Variants in MYO3B observed in about 807,000 individuals in gnomAD.
MYO3B encodes myosin IIIB.
Under a neutral mutation model 174.6 loss-of-function variants are expected in MYO3B, and 156 were observed. The observed-to-expected ratio is 0.89, with a 90% CI of 0.78 to 1.02. The LOEUF (loss-of-function observed/expected upper bound fraction) is 1.02. Ranked by LOEUF, MYO3B falls within the 50% of genes least tolerant of loss-of-function variation. The pLI, the probability that MYO3B is intolerant of heterozygous loss-of-function variation, is 0.00. For synonymous variants in MYO3B, 563 were observed against 569.1 expected, an observed-to-expected ratio of 0.99 and a Z score of 0.15; for missense variants, 1,632 against 1,639.4, an observed-to-expected ratio of 1.00 and a Z score of 0.08.
intron 5 of MYO3B, among the ~76,000 whole-genome samples, chr2:170,216,368 C>T (rs2092828291): frequency 6.6e-6 from 1 of 152,108 alleles, no homozygotes; most frequent in Non-Finnish European, 1.5e-5. Context: ...CCTATTTGGT[C>T]TTAAGAAGAA....
intron 1 of MYO3B, among the ~76,000 whole-genome samples, chr2:170,185,288 G>A (rs2092448509): frequency 6.6e-6 from 1 of 152,084 alleles, no homozygotes; most frequent in Admixed American, 6.6e-5. Context: ...TGTTTTCTTT[G>A]AGTAGTTTCA....
intron 30 of MYO3B, among the ~76,000 whole-genome samples, chr2:170,522,989 C>G (rs35385656): frequency 0.014 from 2,155 of 152,270 alleles, 53 homozygotes; most frequent in African/African-American, 0.049. Flanking sequence ...AAACAATGTA[C>G]TTGGTGATGA....
At chr2:170,342,970 T>C (rs927157410) in intron 8 of MYO3B, among the ~76,000 whole-genome samples, 3 of 152,018 alleles carry the variant, frequency 2.0e-5, no homozygotes, top group Admixed American at 2.0e-4. Flanking sequence ...TGTTTCAATC[T>C]GTTGTCCACT....
intron 32 of MYO3B, among the ~76,000 whole-genome samples, chr2:170,605,451 C>G (rs1694754627): frequency 6.6e-6 from 1 of 152,182 alleles, no homozygotes. Context: ...CTTGATATCT[C>G]CACTCAGATG....
Position 170,383,752 on chromosome 2 carries a change from C to A in MYO3B, c.1228C>A (p.Pro410Thr). 5 of 1,613,800 alleles carry A rather than the reference C, an allele frequency of 3.1e-6. No individual in the cohort carries two copies. The highest frequency in any genetic ancestry group is 3.4e-6 in the Non-Finnish European group (4 of 1,179,770). The change falls in exon 12 of 35, where the codon CCC (proline) becomes ACC (threonine). Residue 410 changes from proline to threonine, a missense_variant. Coordinates refer to ENST00000408978, the MANE Select transcript of MYO3B (RefSeq NM_138995.5). The stretch of plus-strand genomic sequence containing the variant: ...TGGGGTGAAACGCGCCTCCAATCCC[C>A]CCCACATATTTGCATCAGCAGATGC... ...YHGVKRASNP[P>T]HIFASADAAY...
chr2:170,400,419 T>TA, intron 17 of MYO3B, 105 bp downstream of exon 17: 1 of 1,300,664 alleles, frequency 7.7e-7, no homozygotes. Flanking sequence ...TTTTTTTTTT[T>TA]TATCGAGATG....
intron 32 of MYO3B, among the ~76,000 whole-genome samples, chr2:170,570,923 C>CGTT (rs1308965522): frequency 1.1e-4 from 17 of 152,282 alleles, no homozygotes; most frequent in African/African-American, 4.1e-4. Flanking sequence ...GTAGATGGAA[C>CGTT]TCAATCTCTG....
chr2:170,469,924 G>A (rs1461813515), intron 25 of MYO3B, among the ~76,000 whole-genome samples: 1 of 151,804 alleles, frequency 6.6e-6, no homozygotes, highest in Non-Finnish European at 1.5e-5. Flanking sequence ...CCAACATGGA[G>A]AAACCTCGTC....
intron 32 of MYO3B, among the ~76,000 whole-genome samples, chr2:170,594,827 G>GCACACACACA (rs3047151): frequency 4.4e-5 from 6 of 135,100 alleles, no homozygotes; most frequent in African/African-American, 1.8e-4. Flanking sequence ...CCCAGCGCGC[G>GCACACACACA]CACACACACA....
At chr2:170,376,050 A>G (rs571550876) in intron 9 of MYO3B, among the ~76,000 whole-genome samples, 2 of 152,334 alleles carry the variant, frequency 1.3e-5, no homozygotes, top group South Asian at 4.1e-4. Flanking sequence ...GATTAATGAT[A>G]AGATGCTGAT....
At chr2:170,503,485 C>A (rs2106091644) in intron 28 of MYO3B, among the ~76,000 whole-genome samples, 1 of 128,428 alleles carries the variant, frequency 7.8e-6, no homozygotes, top group Admixed American at 8.5e-5. Flanking sequence ...TTTAGCCTTG[C>A]AAGCACCCAG....
At chr2:170,501,301 C>G (rs1486358367) in intron 27 of MYO3B, among the ~76,000 whole-genome samples, 1 of 152,160 alleles carries the variant, frequency 6.6e-6, no homozygotes, top group Non-Finnish European at 1.5e-5. Context: ...TGTTGTGCTA[C>G]TTATCATTTC....
At chr2:170,497,093 C>T (rs985446740) in intron 25 of MYO3B, among the ~76,000 whole-genome samples, 1 of 152,154 alleles carries the variant, frequency 6.6e-6, no homozygotes, top group Non-Finnish European at 1.5e-5. Context: ...CTCACGTTCT[C>T]CTGCCCTTCT....
chr2:170,388,508 G>A (rs2105757973), intron 14 of MYO3B, among the ~76,000 whole-genome samples: 1 of 152,240 alleles, frequency 6.6e-6, no homozygotes, highest in South Asian at 2.1e-4. Context: ...ATCATGCAGG[G>A]CTTTGGAACC....
chr2:170,206,833 T>C lies in MYO3B; in HGVS notation c.321+6549T>C, dbSNP rs1043646073. ...GAACTGTATTGTAACCACAAAGTCC[T>C]TGTGATAATAAAACTGTATTTTCTC... On this transcript the variant is annotated intron_variant, in intron 3 of 34. Transcript: ENST00000408978. This position sits in a 1 kb window ranked among gnomAD's most constrained non-coding sequence, Gnocchi z 4.3. 1.2e-4 allele frequency among the ~76,000 whole-genome samples: 19 copies of C among 152,162 alleles called. No individual in the cohort carries two copies. The highest frequency in any genetic ancestry group is 4.1e-4 in the African/African-American group (17 of 41,442).
chr2:170,207,487 A>G (rs1480325637), intron 3 of MYO3B, among the ~76,000 whole-genome samples: 2 of 152,042 alleles, frequency 1.3e-5, no homozygotes, highest in African/African-American at 4.8e-5. Flanking sequence ...AACTGGTAAA[A>G]AACTTTTACC....
chr2:170,217,606 C>A (rs1273830972), intron 6 of MYO3B, among the ~76,000 whole-genome samples: 3 of 152,190 alleles, frequency 2.0e-5, no homozygotes, highest in Admixed American at 1.3e-4. Flanking sequence ...CCACAGGGCA[C>A]CTTCATGCAA....
At chr2:170,456,284 G>C (rs1683905324) in intron 23 of MYO3B, among the ~76,000 whole-genome samples, 1 of 152,236 alleles carries the variant, frequency 6.6e-6, no homozygotes, top group South Asian at 2.1e-4. Context: ...AGTCTGTCCA[G>C]TTGTGTTGAC....
intron 31 of MYO3B, 95 bp downstream of exon 31, chr2:170,543,061 G>A: frequency 1.0e-6 from 1 of 985,564 alleles, no homozygotes; most frequent in Non-Finnish European, 1.5e-6. Flanking sequence ...CTGCGTGGTT[G>A]GACCATCCAA....
Sources: allele counts gnomAD v4.1 joint callset (sites outside exome capture counted in the v4.1 genomes callset), GRCh38; gene constraint gnomAD v4.1.1; non-coding constraint Gnocchi (gnomAD v3.1); transcripts MANE v1.5; gene names NCBI Gene and HGNC (gene_info 2026-07-23, HGNC 2026-07-21).